Variants in PACRG observed in about 807,000 individuals in gnomAD.
PACRG encodes the protein parkin coregulated, also known as parkin coregulated gene protein.
PACRG carries 29 observed loss-of-function variants against 29.7 expected under a neutral mutation model. That is an observed-to-expected ratio of 0.98 (90% CI 0.73 to 1.33). The LOEUF (loss-of-function observed/expected upper bound fraction) is 1.33. Among genes scored for constraint, PACRG ranks in the 40% most tolerant of loss-of-function variants. The pLI is 0.00. For missense variants in PACRG, 279 were observed against 316.2 expected (o/e 0.88, Z 0.89); for synonymous variants, 116 against 118.7 (o/e 0.98, Z 0.15).
intron 2 of PACRG, among the ~76,000 whole-genome samples, chr6:163,002,072 C>A (rs768098693): frequency 3.3e-5 from 5 of 152,208 alleles, no homozygotes; most frequent in Non-Finnish European, 7.3e-5. Flanking sequence ...ACTCAGTCTG[C>A]TCTAACTGAG....
chr6:163,062,200 T>C lies in PACRG; in HGVS notation c.342T>C (p.Asp114=). 2.5e-6 allele frequency: 4 copies of C among 1,614,164 alleles called. No homozygotes were observed. The highest frequency in any genetic ancestry group is 3.4e-6 in the Non-Finnish European group (4 of 1,180,024). ...DYHHYLPLFF[D]GLCEMTFPYE... ...ATCATTATCTGCCTCTGTTTTTTGA[T>C]GGGCTTTGTGAAATGACATTTCCCT... The change falls in exon 3 of 5, where the codon GAT becomes GAC. Residue 114 remains aspartate (D), a synonymous_variant. Coordinates refer to ENST00000366888, the MANE Select transcript of PACRG (RefSeq NM_001080379.2).
intron 2 of PACRG, chr6:163,046,793 A>T (rs982087718): frequency 6.6e-6 from 1 of 152,154 alleles, no homozygotes; most frequent in Non-Finnish European, 1.5e-5. Flanking sequence ...ACAATGCTAT[A>T]ACTATTGTAG....
At chr6:162,879,662 A>G (rs1793668785) in intron 2 of PACRG, among the ~76,000 whole-genome samples, 1 of 152,212 alleles carries the variant, frequency 6.6e-6, no homozygotes, top group South Asian at 2.1e-4. Context: ...TCCTTCAACA[A>G]GTATTTATTG....
At chr6:162,829,096 AT>A (rs1788524784) in intron 2 of PACRG, among the ~76,000 whole-genome samples, 1 of 152,200 alleles carries the variant, frequency 6.6e-6, no homozygotes, top group Non-Finnish European at 1.5e-5. Context: ...AAGCAAATCC[AT>A]TTTTTGTGTC....
intron 2 of PACRG, among the ~76,000 whole-genome samples, chr6:162,876,291 A>G (rs999141741): frequency 6.6e-6 from 1 of 152,220 alleles, no homozygotes; most frequent in African/African-American, 2.4e-5. Context: ...CAAGGCCACA[A>G]GATTCCACTG....
rs78515294 is a variant in PACRG at position 163,029,963 on chromosome 6, G to A, written c.292-32187G>A. Among the ~76,000 whole-genome samples the A allele has an allele frequency of 4.3e-3, 647 of 151,974 alleles. 4 individuals are homozygous for A. The highest frequency in any genetic ancestry group is 0.015 in the African/African-American group (627 of 41,462). ...AGAAAAGTAATTGTGAACAAGAGAG[G>A]GTGAAAGGAAAAAAGGTTCATATAA... On this transcript the variant is annotated intron_variant, in intron 2 of 4. Transcript: ENST00000366888.
intron 1 of PACRG, among the ~76,000 whole-genome samples, chr6:162,741,896 A>G (rs891312911): frequency 2.6e-5 from 4 of 152,224 alleles, no homozygotes; most frequent in Non-Finnish European, 5.9e-5. Context: ...TTACATACTC[A>G]TAATTTTTTT....
At chr6:162,765,238 C>T (rs1782688218) in intron 1 of PACRG, among the ~76,000 whole-genome samples, 1 of 152,050 alleles carries the variant, frequency 6.6e-6, no homozygotes, top group Admixed American at 6.5e-5. Flanking sequence ...GAATTTGACT[C>T]TTGGCCTTTT....
At chr6:163,047,467 G>A (rs1235447499) in intron 2 of PACRG, among the ~76,000 whole-genome samples, 2 of 152,148 alleles carry the variant, frequency 1.3e-5, no homozygotes, top group Admixed American at 6.5e-5. Flanking sequence ...TATGAAACAA[G>A]GGATTATTTC....
intron 2 of PACRG, among the ~76,000 whole-genome samples, chr6:162,823,366 C>T (rs374227885): frequency 9.5e-4 from 145 of 152,194 alleles, no homozygotes; most frequent in African/African-American, 3.3e-3. Context: ...TATTGTTACT[C>T]TGTCCCAATT....
chr6:162,739,841 TA>T (rs34535656), intron 1 of PACRG, among the ~76,000 whole-genome samples: 24,487 of 130,030 alleles, frequency 0.19, 2,568 homozygotes, highest in East Asian at 0.5. Flanking sequence ...GCTCCATCTT[TA>T]AAAAAAAAAA....
intron 2 of PACRG, among the ~76,000 whole-genome samples, chr6:162,885,786 GTGTA>G (rs1447062811): frequency 6.6e-6 from 1 of 151,732 alleles, no homozygotes; most frequent in African/African-American, 2.4e-5. Context: ...GTGTGTGTGT[GTGTA>G]TATATATAAA....
intron 2 of PACRG, among the ~76,000 whole-genome samples, chr6:163,061,484 T>G (rs1282382995): frequency 6.6e-6 from 1 of 152,030 alleles, no homozygotes; most frequent in East Asian, 1.9e-4. Context: ...GGGAAAGAGA[T>G]TTGTCTCCGC....
At chr6:163,069,536 T>C (rs921552322) in intron 3 of PACRG, among the ~76,000 whole-genome samples, 29 of 152,106 alleles carry the variant, frequency 1.9e-4, no homozygotes, top group African/African-American at 6.5e-4. Context: ...CAGAGTCTTT[T>C]AATAGCAGAA....
intron 2 of PACRG, among the ~76,000 whole-genome samples, chr6:162,915,661 T>C (rs888725996): frequency 6.6e-6 from 1 of 152,146 alleles, no homozygotes; most frequent in African/African-American, 2.4e-5. Flanking sequence ...TTGTATTGCA[T>C]GTGAATGTAT....
chr6:163,081,658 A>G (rs1006046491), intron 3 of PACRG, among the ~76,000 whole-genome samples: 8 of 152,160 alleles, frequency 5.3e-5, no homozygotes, highest in Non-Finnish European at 1.0e-4. Context: ...CAGGAGGCTG[A>G]GGTGACAGGA....
At chr6:163,140,055 C>A (rs1318187132) in intron 4 of PACRG, among the ~76,000 whole-genome samples, 5 of 152,336 alleles carry the variant, frequency 3.3e-5, no homozygotes, top group Admixed American at 3.3e-4. Flanking sequence ...AGGCTGGTCT[C>A]TCCCCTTGAG....
intron 1 of PACRG, among the ~76,000 whole-genome samples, chr6:162,802,282 G>C (rs1161353719): frequency 2.0e-5 from 3 of 152,052 alleles, no homozygotes; most frequent in African/African-American, 7.2e-5. Context: ...AATGATATAG[G>C]TAAAAGTCTA....
chr6:162,775,687 A>G (rs1441421778), intron 1 of PACRG, among the ~76,000 whole-genome samples: 1 of 152,208 alleles, frequency 6.6e-6, no homozygotes, highest in Non-Finnish European at 1.5e-5. Context: ...ATCATGGTTC[A>G]GTGATGTTTT....
Sources: gnomAD v4.1 joint callset for allele counts (sites outside exome capture counted in the v4.1 genomes callset) on GRCh38, gnomAD v4.1.1 for gene constraint, MANE v1.5 for transcripts, NCBI Gene and HGNC (gene_info 2026-07-23, HGNC 2026-07-21) for gene names.